AIM2: variants seen among roughly 807,000 people sequenced by gnomAD.
AIM2 encodes the protein absent in melanoma 2.
Under a neutral mutation model 27.7 loss-of-function variants are expected in AIM2, and 30 were observed. The ratio of observed to expected loss-of-function variants is 1.08; its 90% CI spans 0.81 to 1.47. The LOEUF (loss-of-function observed/expected upper bound fraction) is 1.47, where lower values mean the gene tolerates loss of function less well. Among genes scored for constraint, AIM2 ranks in the 40% most tolerant of loss-of-function variants. The probability of loss-of-function intolerance (pLI) is 0.00; values close to 1 mark genes in which losing one functional copy is unlikely to be tolerated. For synonymous variants in AIM2, 141 were observed against 145.3 expected (o/e 0.97, Z 0.21); for missense variants, 358 against 411.3 (o/e 0.87, Z 1.12).
chr1:159,135,309 A>G (rs1301971176), intron 1 of AIM2, among the ~76,000 whole-genome samples: 1 of 152,178 alleles, frequency 6.6e-6, no homozygotes, highest in East Asian at 1.9e-4. Flanking sequence ...TTTAATATTA[A>G]TATAGTTCTG....
At chr1:159,067,119 A>G (rs960780875) in intron 3 of AIM2, among the ~76,000 whole-genome samples, 7 of 152,228 alleles carry the variant, frequency 4.6e-5, no homozygotes, top group Non-Finnish European at 1.0e-4. Context: ...ATAAACTGTT[A>G]TAACTGATTC....
chr1:159,056,745 A>C, the AIM2 span, among the ~76,000 whole-genome samples: 15 of 146,446 alleles, frequency 1.0e-4, no homozygotes, highest in African/African-American at 3.6e-4. Context: ...AAAAAAAAAA[A>C]AAACTACCCT....
chr1:159,106,509 G>GA (rs1159584499), intron 1 of AIM2, among the ~76,000 whole-genome samples: 1 of 152,176 alleles, frequency 6.6e-6, no homozygotes, highest in African/African-American at 2.4e-5. Context: ...ATGTGAGAAA[G>GA]AAAAAATTTT....
intron 1 of AIM2, among the ~76,000 whole-genome samples, chr1:159,131,950 G>T (rs1046267993): frequency 6.6e-6 from 1 of 152,138 alleles, no homozygotes; most frequent in Non-Finnish European, 1.5e-5. Flanking sequence ...AGTCGGGAAA[G>T]AACGTATTTT....
chr1:159,118,299 C>G (rs1430221614), intron 1 of AIM2, among the ~76,000 whole-genome samples: 1 of 152,160 alleles, frequency 6.6e-6, no homozygotes, highest in Non-Finnish European at 1.5e-5. Flanking sequence ...GTTAAAGAGT[C>G]TCAAACAACA....
chr1:159,145,472 A>C (rs1410722007), upstream of AIM2, among the ~76,000 whole-genome samples: 1 of 152,168 alleles, frequency 6.6e-6, no homozygotes, highest in African/African-American at 2.4e-5. Context: ...GGAAGAAATG[A>C]GATAATCCAG....
chr1:159,109,444 A>G (rs1379288465), intron 1 of AIM2, among the ~76,000 whole-genome samples: 4 of 152,262 alleles, frequency 2.6e-5, no homozygotes, highest in Non-Finnish European at 5.9e-5. Context: ...AAGACCTGAA[A>G]CTATAAAAAT....
intron 3 of AIM2, among the ~76,000 whole-genome samples, chr1:159,067,761 T>C (rs1235855180): frequency 2.0e-5 from 3 of 152,070 alleles, no homozygotes; most frequent in African/African-American, 4.8e-5. Flanking sequence ...GAAGTATATA[T>C]CATCAGTTTT....
intron 1 of AIM2, among the ~76,000 whole-genome samples, chr1:159,126,452 C>A (rs893375718): frequency 2.6e-5 from 4 of 152,002 alleles, no homozygotes; most frequent in Non-Finnish European, 5.9e-5. Context: ...TCGAGACCAT[C>A]CTGGCTAACA....
At chr1:159,056,026 A>G in the AIM2 span, among the ~76,000 whole-genome samples, 2 of 152,260 alleles carry the variant, frequency 1.3e-5, no homozygotes, top group South Asian at 4.1e-4. Flanking sequence ...GCTGTGAGGA[A>G]TGGAATGGGG....
intron 1 of AIM2, among the ~76,000 whole-genome samples, chr1:159,123,200 A>T (rs1417921610): frequency 6.6e-6 from 1 of 152,156 alleles, no homozygotes; most frequent in Non-Finnish European, 1.5e-5. Flanking sequence ...ATTTACATAC[A>T]AATAAAAACA....
At chr1:159,064,568 C>T (rs577349157) in intron 4 of AIM2, among the ~76,000 whole-genome samples, 165 of 152,332 alleles carry the variant, frequency 1.1e-3, no homozygotes, top group African/African-American at 3.6e-3. Flanking sequence ...TGGGTTCAAG[C>T]GATTCTCTTG....
chr1:159,124,640 T>A (rs987567894), intron 1 of AIM2, among the ~76,000 whole-genome samples: 2 of 152,246 alleles, frequency 1.3e-5, no homozygotes, highest in Non-Finnish European at 2.9e-5. Context: ...TTAGAAGAGT[T>A]AAAAATCTCC....
upstream of AIM2, among the ~76,000 whole-genome samples, chr1:159,143,209 A>G (rs1306749595): frequency 6.6e-6 from 1 of 152,220 alleles, no homozygotes; most frequent in East Asian, 1.9e-4. Flanking sequence ...GGAATGAGAC[A>G]TGGCAGAGAA....
At chr1:159,127,112 C>G (rs2518570) in intron 1 of AIM2, among the ~76,000 whole-genome samples, 108,096 of 152,134 alleles carry the variant, frequency 0.71, 42,291 homozygotes, top group Non-Finnish European at 0.87. Flanking sequence ...TTACCTACCC[C>G]TAGGGACTGA....
At chr1:159,133,413 G>A (rs866658380) in intron 1 of AIM2, among the ~76,000 whole-genome samples, 3 of 152,024 alleles carry the variant, frequency 2.0e-5, no homozygotes, top group Non-Finnish European at 4.4e-5. Context: ...TAAAGTAAGG[G>A]AAAAAAAGAT....
At chr1:159,074,278 A>G (rs1365107294) in intron 1 of AIM2, among the ~76,000 whole-genome samples, 1 of 152,146 alleles carries the variant, frequency 6.6e-6, no homozygotes, top group Non-Finnish European at 1.5e-5. Context: ...AGATTAGAAG[A>G]TTTTATGTCT....
intron 1 of AIM2, among the ~76,000 whole-genome samples, chr1:159,135,159 T>TA (rs1647990309): frequency 6.6e-6 from 1 of 152,242 alleles, no homozygotes; most frequent in Admixed American, 6.5e-5. Flanking sequence ...ACACAGCAGG[T>TA]ACTATAAGCA....
chr1:159,126,255 C>T (rs919950522), intron 1 of AIM2, among the ~76,000 whole-genome samples: 1 of 152,206 alleles, frequency 6.6e-6, no homozygotes, highest in Non-Finnish European at 1.5e-5. Flanking sequence ...CCACCCATTT[C>T]CTGCACTGTG....
Sources: allele counts gnomAD v4.1 joint callset (sites outside exome capture counted in the v4.1 genomes callset), GRCh38; gene constraint gnomAD v4.1.1; transcripts MANE v1.5; gene names NCBI Gene and HGNC (gene_info 2026-07-23, HGNC 2026-07-21).